NRXN3: variants seen among roughly 807,000 people sequenced by gnomAD.
The protein encoded by NRXN3 is neurexin 3, also known as neurexin III.
Under a neutral mutation model 137.6 loss-of-function variants are expected in NRXN3, and 32 were observed. The observed-to-expected ratio is 0.23, with a 90% CI of 0.18 to 0.31. NRXN3 has a LOEUF of 0.31. Among genes scored for constraint, NRXN3 ranks in the 10% least tolerant of loss-of-function variants. The probability of loss-of-function intolerance (pLI) is 1.00; values close to 1 mark genes in which losing one functional copy is unlikely to be tolerated. For synonymous variants in NRXN3, 798 were observed against 784.5 expected (o/e 1.02, Z -0.29); for missense variants, 1,574 against 2,062.5 (o/e 0.76, Z 4.59).
In NRXN3 at chr14:78,804,344, T is replaced by C. The variant is rs141825269; in HGVS notation, c.2248+521T>C. Among the ~76,000 whole-genome samples, 357 of 152,282 alleles carry C rather than the reference T, an allele frequency of 2.3e-3. 2 individuals are homozygous for C. Among genetic ancestry groups the C allele is most frequent in the African/African-American group, 8.3e-3 (346 of 41,570 alleles). ...TCTGGTGGCCTTGATGACACTGATATCTCCTTTGACTTTCTCCTAGAGGGA... is the reference window on the plus strand; with the variant it reads ...TCTGGTGGCCTTGATGACACTGATACCTCCTTTGACTTTCTCCTAGAGGGA... On this transcript the variant is annotated intron_variant, in intron 9 of 20. Coordinates refer to ENST00000335750, the MANE Select transcript of NRXN3 (RefSeq NM_001330195.2).
intron 10 of NRXN3, among the ~76,000 whole-genome samples, chr14:78,896,615 T>G (rs1003975120): frequency 6.6e-6 from 1 of 151,824 alleles, no homozygotes; most frequent in Admixed American, 6.6e-5. Flanking sequence ...ATATTTCACA[T>G]GGCAGAGGGT....
chr14:78,708,276 C>A (rs1265258407), intron 6 of NRXN3, among the ~76,000 whole-genome samples: 1 of 152,158 alleles, frequency 6.6e-6, no homozygotes, highest in South Asian at 2.1e-4. Flanking sequence ...AGGCAGAAAG[C>A]TCTGCTGGAC....
chr14:78,227,659 AC>A (rs1471160987), intron 1 of NRXN3, among the ~76,000 whole-genome samples: 2 of 152,174 alleles, frequency 1.3e-5, no homozygotes, highest in Admixed American at 1.3e-4. Context: ...GGCAGTTAAC[AC>A]CGAAGCAGAC....
At chr14:78,509,618 A>G (rs1026392727) in intron 4 of NRXN3, among the ~76,000 whole-genome samples, 11 of 152,204 alleles carry the variant, frequency 7.2e-5, no homozygotes, top group African/African-American at 2.4e-4. Flanking sequence ...TGGCCAGAGG[A>G]GCACCTTCTG....
chr14:79,743,095 C>A (rs1049997457), intron 19 of NRXN3, among the ~76,000 whole-genome samples: 2 of 152,068 alleles, frequency 1.3e-5, no homozygotes, highest in Non-Finnish European at 2.9e-5. Flanking sequence ...TTTGTGGCAC[C>A]TGGGTGATGA....
intron 10 of NRXN3, among the ~76,000 whole-genome samples, chr14:78,926,910 AT>A (rs2099303707): frequency 3.2e-5 from 1 of 31,246 alleles, no homozygotes; most frequent in East Asian, 2.1e-3. Context: ...AATATATATA[AT>A]ATATATATAA....
At chr14:79,682,163 T>C (rs2098673861) in intron 17 of NRXN3, among the ~76,000 whole-genome samples, 1 of 152,170 alleles carries the variant, frequency 6.6e-6, no homozygotes, top group South Asian at 2.1e-4. Context: ...GGGTATGTTC[T>C]CCCTTTCCTC....
chr14:79,028,284 A>G (rs1373706279), intron 15 of NRXN3, among the ~76,000 whole-genome samples: 3 of 152,150 alleles, frequency 2.0e-5, no homozygotes, highest in Non-Finnish European at 4.4e-5. Context: ...AACATAAGGT[A>G]CTGAAATCAA....
intron 4 of NRXN3, among the ~76,000 whole-genome samples, chr14:78,334,508 A>G (rs1214694606): frequency 6.6e-6 from 1 of 152,180 alleles, no homozygotes; most frequent in Admixed American, 6.5e-5. Context: ...GGATGATACA[A>G]GATGATCCCC....
At chr14:79,526,591 G>A (rs889856774) in intron 16 of NRXN3, among the ~76,000 whole-genome samples, 2 of 152,210 alleles carry the variant, frequency 1.3e-5, no homozygotes, top group African/African-American at 2.4e-5. Context: ...TATATGTTCC[G>A]CCAATTCAAC....
intron 2 of NRXN3, among the ~76,000 whole-genome samples, chr14:78,246,648 A>G (rs1445447545): frequency 2.0e-5 from 3 of 152,214 alleles, no homozygotes; most frequent in Non-Finnish European, 4.4e-5. Context: ...AATCACAAAA[A>G]TGCATCACAG....
At chr14:78,859,058 A>AGG (rs145855802) in intron 10 of NRXN3, among the ~76,000 whole-genome samples, 1 of 152,068 alleles carries the variant, frequency 6.6e-6, no homozygotes, top group African/African-American at 2.4e-5. Flanking sequence ...ATTAAATCAC[A>AGG]GGGGGGCGGT....
At chr14:78,894,657 T>C (rs894913220) in intron 10 of NRXN3, among the ~76,000 whole-genome samples, 1 of 151,910 alleles carries the variant, frequency 6.6e-6, no homozygotes, top group Admixed American at 6.6e-5. Context: ...TTTCAAAAAA[T>C]TTTCCATTTG....
chr14:79,861,498 C>T lies in NRXN3; in HGVS notation c.4250C>T (p.Ser1417Leu), dbSNP rs1324692636. The change falls in exon 21 of 21, where the codon TCG becomes TTG. Residue 1417 changes from serine (S) to leucine (L), a missense_variant. Physicochemically the swap from Ser to Leu is moderately radical, Grantham distance 145 (BLOSUM62 -2). Around this residue, in one of 5 missense-constraint regions of NRXN3, gnomAD observed 320 missense variants for 387.1 expected, o/e 0.83. Transcript: ENST00000335750. This position sits in a 1 kb window ranked among gnomAD's most constrained non-coding sequence, Gnocchi z 5.4. ...CTGATCCGCTTCACAGCTTCCTCCT[C>T]GTCTGGGATGGTGCCCAAATTGCCA... ...PELIRFTASS[S>L]SGMVPKLPAG... The T allele has an allele frequency of 1.3e-5, 20 of 1,538,952 alleles. No homozygotes were observed. Among genetic ancestry groups the T allele is most frequent in the Admixed American group, 2.0e-5 (1 of 51,018 alleles).
chr14:78,897,297 G>GA (rs2099179919), intron 10 of NRXN3, among the ~76,000 whole-genome samples: 1 of 151,712 alleles, frequency 6.6e-6, no homozygotes, highest in Non-Finnish European at 1.5e-5. Context: ...TTGAATGAAT[G>GA]AAAAAATGCA....
chr14:78,237,326 G>T (rs1174271072), intron 1 of NRXN3, among the ~76,000 whole-genome samples: 1 of 152,218 alleles, frequency 6.6e-6, no homozygotes, highest in African/African-American at 2.4e-5. Context: ...AAAAGTTTTG[G>T]TTCATGAAAT....
intron 2 of NRXN3, among the ~76,000 whole-genome samples, chr14:78,261,358 A>G (rs1002091766): frequency 6.6e-6 from 1 of 152,166 alleles, no homozygotes; most frequent in Non-Finnish European, 1.5e-5. Flanking sequence ...AGAAACATAC[A>G]AGCTGCCCTG....
intron 4 of NRXN3, among the ~76,000 whole-genome samples, chr14:78,461,188 C>A (rs902937540): frequency 6.6e-6 from 1 of 152,172 alleles, no homozygotes; most frequent in African/African-American, 2.4e-5. Context: ...TGCATGTGTT[C>A]GCATGCAACT....
At chr14:79,427,128 C>G (rs1284876105) in intron 15 of NRXN3, among the ~76,000 whole-genome samples, 1 of 151,912 alleles carries the variant, frequency 6.6e-6, no homozygotes, top group Non-Finnish European at 1.5e-5. Context: ...TCCTATTGAC[C>G]TGCTTTTTAA....
Sources: allele counts gnomAD v4.1 joint callset (sites outside exome capture counted in the v4.1 genomes callset), GRCh38; gene constraint gnomAD v4.1.1; regional missense constraint gnomAD v4.1.1; non-coding constraint Gnocchi (gnomAD v3.1); transcripts MANE v1.5; gene names NCBI Gene and HGNC (gene_info 2026-07-23, HGNC 2026-07-21).